ZFHX3: variants seen among roughly 807,000 people sequenced by gnomAD.
ZFHX3 encodes zinc finger homeobox 3.
ZFHX3 carries 42 observed loss-of-function variants against 279.1 expected under a neutral mutation model. The ratio of observed to expected loss-of-function variants is 0.15; its 90% CI spans 0.12 to 0.19. The LOEUF (loss-of-function observed/expected upper bound fraction) is 0.19. ZFHX3 is among the 10% of genes least tolerant of loss of function. The pLI, the probability that ZFHX3 is intolerant of heterozygous loss-of-function variation, is 1.00. For synonymous variants in ZFHX3, 2,293 were observed against 1,957.8 expected, an observed-to-expected ratio of 1.17 and a Z score of -4.52; for missense variants, 4,981 against 4,754.0, an observed-to-expected ratio of 1.05 and a Z score of -1.40.
intron 1 of ZFHX3, among the ~76,000 whole-genome samples, chr16:73,752,641 C>T (rs1356636218): frequency 6.6e-6 from 1 of 152,132 alleles, no homozygotes; most frequent in African/African-American, 2.4e-5. Flanking sequence ...AACAAAACCG[C>T]CTGGCTGGCC....
intron 8 of ZFHX3, among the ~76,000 whole-genome samples, chr16:73,084,901 G>A (rs567120531): frequency 6.6e-6 from 1 of 152,148 alleles, no homozygotes; most frequent in African/African-American, 2.4e-5. Context: ...AAATTAAGGA[G>A]GACACAAAAA....
chr16:73,656,765 G>A (rs1429245530), intron 2 of ZFHX3, among the ~76,000 whole-genome samples: 1 of 152,102 alleles, frequency 6.6e-6, no homozygotes, highest in African/African-American at 2.4e-5. Flanking sequence ...GAAAGACTTA[G>A]TCCTATATAC....
rs74030906 is a variant in ZFHX3, at chr16:73,840,123, C to T, written c.-1608+51528G>A. Reference sequence around the variant, plus strand: ...TACACAGCAGGCATTCAATACATGCCAAACAGATCAGGAAATAAGTAATGT... The same window carrying T: ...TACACAGCAGGCATTCAATACATGCTAAACAGATCAGGAAATAAGTAATGT... On this transcript the variant is annotated intron_variant, in intron 1 of 17. Transcript: ENST00000641206. Among the ~76,000 whole-genome samples the T allele has an allele frequency of 7.8e-3, 1,192 of 152,212 alleles. 17 individuals carry two copies. The highest frequency in any genetic ancestry group is 0.027 in the African/African-American group (1,124 of 41,522).
At chr16:73,747,498 A>G (rs1293034201) in intron 1 of ZFHX3, among the ~76,000 whole-genome samples, 1 of 152,166 alleles carries the variant, frequency 6.6e-6, no homozygotes, top group Non-Finnish European at 1.5e-5. Context: ...AAGTCACTAC[A>G]ATTTCCAAGA....
At chr16:73,031,681 A>G (rs564053087) in intron 1 of ZFHX3, among the ~76,000 whole-genome samples, 1 of 152,348 alleles carries the variant, frequency 6.6e-6, no homozygotes, top group South Asian at 2.1e-4. Context: ...GAGCCACCAC[A>G]GCAAACAGAA....
intron 4 of ZFHX3, among the ~76,000 whole-genome samples, chr16:72,887,932 G>A (rs556572302): frequency 2.9e-4 from 44 of 152,010 alleles, no homozygotes; most frequent in Admixed American, 2.9e-3. Flanking sequence ...TGCCGTCTGC[G>A]TGAGTCTGTG....
At chr16:73,178,900 G>A (rs988357027) in intron 5 of ZFHX3, among the ~76,000 whole-genome samples, 6 of 152,040 alleles carry the variant, frequency 3.9e-5, no homozygotes, top group Admixed American at 2.0e-4. Flanking sequence ...CCCACCCAAC[G>A]ATACGTAAAT....
At chr16:73,114,999 G>A (rs191254503) in intron 7 of ZFHX3, among the ~76,000 whole-genome samples, 81 of 151,996 alleles carry the variant, frequency 5.3e-4, no homozygotes, top group Non-Finnish European at 8.4e-4. Flanking sequence ...CTTCTATAGC[G>A]ATTCCTCAAG....
At chr16:73,205,915 A>G (rs963034960) in intron 5 of ZFHX3, among the ~76,000 whole-genome samples, 4 of 152,224 alleles carry the variant, frequency 2.6e-5, no homozygotes, top group African/African-American at 7.2e-5. Context: ...ATGATTATGT[A>G]TGCAAATGAT....
intron 5 of ZFHX3, among the ~76,000 whole-genome samples, chr16:73,148,034 C>T (rs1597183415): frequency 6.6e-6 from 1 of 151,570 alleles, no homozygotes; most frequent in African/African-American, 2.4e-5. Context: ...TGACTTAGCC[C>T]AGAGCTTAGC....
At chr16:73,851,302 A>G (rs879418867) in intron 1 of ZFHX3, among the ~76,000 whole-genome samples, 1 of 152,196 alleles carries the variant, frequency 6.6e-6, no homozygotes. Flanking sequence ...AGACACTGCT[A>G]AAGTGTATTT....
chr16:73,822,473 G>C (rs1397704124), intron 1 of ZFHX3, among the ~76,000 whole-genome samples: 1 of 151,548 alleles, frequency 6.6e-6, no homozygotes, highest in African/African-American at 2.4e-5. Context: ...TTTTCCACTT[G>C]GTGGCTTTTC....
chr16:73,860,985 T>C (rs1200580923), intron 1 of ZFHX3, among the ~76,000 whole-genome samples: 1 of 88,868 alleles, frequency 1.1e-5, no homozygotes, highest in African/African-American at 7.6e-5. Context: ...TTTTTGCAGA[T>C]TTTTTTTTTT....
chr16:73,259,445 T>C (rs1284632919), intron 4 of ZFHX3, among the ~76,000 whole-genome samples: 1 of 152,262 alleles, frequency 6.6e-6, no homozygotes, highest in Non-Finnish European at 1.5e-5. Context: ...CTACTCTTAC[T>C]GTCTACGCTT....
chr16:73,338,964 G>A (rs2015973531), intron 3 of ZFHX3, among the ~76,000 whole-genome samples: 1 of 152,158 alleles, frequency 6.6e-6, no homozygotes, highest in Non-Finnish European at 1.5e-5. Flanking sequence ...GCCACGTGAT[G>A]TGTCTGTTTC....
chr16:73,362,290 TC>T (rs1293652556), intron 3 of ZFHX3, among the ~76,000 whole-genome samples: 3 of 152,094 alleles, frequency 2.0e-5, no homozygotes, highest in South Asian at 2.1e-4. Flanking sequence ...CTTCCAGAGT[TC>T]CCCCCATTAT....
rs1304805960 is a variant in ZFHX3, at chr16:73,555,618, G to A, written c.-1546-99360C>T. Among the ~76,000 whole-genome samples the A allele has an allele frequency of 4.0e-5, 6 of 151,878 alleles. No homozygotes were observed. The East Asian group carries it at 1.2e-3, about 30-fold the overall frequency. ...GGCCAAGATGGGTGGATTGCTTGAG[G>A]CCAGGAGTTCAAAACCAGCCTGGCC... On this transcript the variant is annotated intron_variant, in intron 2 of 17. Coordinates refer to the ZFHX3 transcript ENST00000641206.
chr16:72,850,939 G>A (rs575692188), intron 4 of ZFHX3, among the ~76,000 whole-genome samples: 6 of 152,100 alleles, frequency 3.9e-5, no homozygotes, highest in Non-Finnish European at 7.3e-5. Flanking sequence ...GATGGGGTTG[G>A]GGGGAGAAAG....
At chr16:72,818,139 A>G (rs995257222) in intron 5 of ZFHX3, among the ~76,000 whole-genome samples, 3 of 152,196 alleles carry the variant, frequency 2.0e-5, no homozygotes, top group Admixed American at 6.5e-5. Flanking sequence ...CTATTCCAAC[A>G]CACAAGACAC....
Sources: gnomAD v4.1 joint callset for allele counts (sites outside exome capture counted in the v4.1 genomes callset) on GRCh38, gnomAD v4.1.1 for gene constraint, MANE v1.5 for transcripts, NCBI Gene and HGNC (gene_info 2026-07-23, HGNC 2026-07-21) for gene names.